The following ADAM32 variants were observed in gnomAD, a reference collection of about 807,000 sequenced individuals.
The protein encoded by ADAM32 is ADAM metallopeptidase domain 32.
Under a neutral mutation model 114.9 loss-of-function variants are expected in ADAM32, and 89 were observed. That is an observed-to-expected ratio of 0.77 (90% CI 0.65 to 0.92). ADAM32 has a LOEUF of 0.92. Ranked by LOEUF, ADAM32 falls within the 40% of genes least tolerant of loss-of-function variation. ADAM32 has a pLI of 0.00. For synonymous variants in ADAM32, 285 were observed against 307.5 expected (o/e 0.93, Z 0.77); for missense variants, 870 against 932.8 (o/e 0.93, Z 0.88).
chr8:39,186,909 T>A lies in ADAM32; in HGVS notation c.916T>A (p.Tyr306Asn), dbSNP rs778140916. The stretch of plus-strand genomic sequence containing the variant: ...AGAATTTTCTTTGTTGTTATTATAG[T>A]ACCCCAAGGAGATAACTCTGGAGGC... ...ITRYSAGVALYPKEITLEAFA... is the reference protein window; with the variant it reads ...ITRYSAGVALNPKEITLEAFA... The change falls in exon 11 of 25, where the codon TAC becomes AAC. Residue 306 changes from tyrosine to asparagine, a missense_variant and splice_region_variant. By Grantham distance (143) the Tyr-to-Asn change is moderately radical (BLOSUM62 -2). Transcript: ENST00000379907. 28 of 1,588,306 alleles carry A rather than the reference T, an allele frequency of 1.8e-5. No homozygotes were observed. The East Asian group carries it at 2.2e-4, about 13-fold the overall frequency.
At position 39,284,843 on chromosome 8, in the gene ADAM32, A is replaced by C. The variant is rs1481757394; in HGVS notation, c.*44A>C. On this transcript the variant is annotated 3_prime_UTR_variant, in exon 25 of 25. Transcript: ENST00000379907. ...ACGGATAACATCGAGAGTCTCGCTA[A>C]GAAATGAAAATTCTGTCTTTCCTTC... is the stretch of plus-strand genomic sequence containing the variant. 2.5e-6 allele frequency: 4 copies of C among 1,608,804 alleles called. No individual in the cohort carries two copies. The South Asian group carries it at 4.4e-5, about 18-fold the overall frequency.
intron 4 of ADAM32, among the ~76,000 whole-genome samples, chr8:39,147,949 C>G (rs1423157321): frequency 6.6e-6 from 1 of 151,896 alleles, no homozygotes; most frequent in Non-Finnish European, 1.5e-5. Flanking sequence ...AATTTTCTAT[C>G]TAAACCCTAT....
At chr8:39,145,736 A>G (rs1803465655) in intron 3 of ADAM32, among the ~76,000 whole-genome samples, 1 of 151,644 alleles carries the variant, frequency 6.6e-6, no homozygotes, top group Non-Finnish European at 1.5e-5. Flanking sequence ...TATTTTTATT[A>G]TTTATTTATT....
intron 19 of ADAM32, among the ~76,000 whole-genome samples, chr8:39,267,910 A>G (rs1585686045): frequency 6.6e-6 from 1 of 152,342 alleles, no homozygotes; most frequent in Non-Finnish European, 1.5e-5. Flanking sequence ...TGTGGGCTCT[A>G]TAGATAAAGA....
chr8:39,213,209 A>G (rs1455536112), intron 12 of ADAM32, among the ~76,000 whole-genome samples: 2 of 152,080 alleles, frequency 1.3e-5, no homozygotes, highest in African/African-American at 4.8e-5. Flanking sequence ...TTTGATATAT[A>G]ATAGTTGTAT....
intron 12 of ADAM32, among the ~76,000 whole-genome samples, chr8:39,215,808 A>G (rs114846903): frequency 2.2e-3 from 331 of 152,150 alleles, no homozygotes; most frequent in African/African-American, 7.7e-3. Flanking sequence ...GACCTAACAT[A>G]TGGTCTGTCT....
intron 6 of ADAM32, chr8:39,157,718 T>C: frequency 8.4e-7 from 1 of 1,194,536 alleles, no homozygotes; most frequent in Non-Finnish European, 1.2e-6. Flanking sequence ...AGCGCTTGCC[T>C]CTTAGTTCCC....
At chr8:39,140,792 T>G (rs1371327877) in intron 3 of ADAM32, among the ~76,000 whole-genome samples, 1 of 152,194 alleles carries the variant, frequency 6.6e-6, no homozygotes, top group African/African-American at 2.4e-5. Context: ...CTGGACTTTT[T>G]TTGTGGGTAG....
chr8:39,189,867 G>A (rs1469391278), intron 11 of ADAM32, among the ~76,000 whole-genome samples: 4 of 151,744 alleles, frequency 2.6e-5, no homozygotes, highest in South Asian at 2.1e-4. Flanking sequence ...GCGCGATCTC[G>A]GCTCACTGCA....
intron 16 of ADAM32, among the ~76,000 whole-genome samples, 155 bp downstream of exon 16, chr8:39,234,237 A>G (rs1001878941): frequency 3.9e-5 from 6 of 152,148 alleles, no homozygotes; most frequent in African/African-American, 1.4e-4. Flanking sequence ...AAATAGTAAG[A>G]GGGAAATGGG....
At chr8:39,158,790 T>C (rs1432054857) in intron 6 of ADAM32, 1 of 152,414 alleles carries the variant, frequency 6.6e-6, no homozygotes, top group Non-Finnish European at 1.5e-5. Flanking sequence ...CTGATTCCTT[T>C]TTTCTGCTTG....
chr8:39,159,260 C>G (rs1444835611), intron 6 of ADAM32, among the ~76,000 whole-genome samples: 1 of 152,142 alleles, frequency 6.6e-6, no homozygotes, highest in Non-Finnish European at 1.5e-5. Flanking sequence ...TTAGTAGTCA[C>G]CAAGTGATTT....
Position 39,266,558 on chromosome 8 carries a change from C to T in ADAM32, c.2163-4318C>T, listed in dbSNP as rs749819298. Among the ~76,000 whole-genome samples the T allele has an allele frequency of 1.2e-4, 19 of 152,242 alleles. No individual in the cohort carries two copies. The South Asian group carries it at 3.1e-3, about 25-fold the overall frequency. ...ATGGCTATGCCATCTTTTAACTCTT[C>T]GACCATGTTGCTGTGTTCCTTGGCT... is the stretch of plus-strand genomic sequence containing the variant. On this transcript the variant is annotated intron_variant, in intron 19 of 24. Transcript: ENST00000379907.
intron 1 of ADAM32, among the ~76,000 whole-genome samples, chr8:39,109,887 T>C (rs1326091545): frequency 1.3e-5 from 2 of 152,214 alleles, no homozygotes; most frequent in Non-Finnish European, 1.5e-5. Context: ...GTTCTGCTTA[T>C]TTATCCCTCC....
At chr8:39,236,624 G>A (rs538371148) in intron 16 of ADAM32, among the ~76,000 whole-genome samples, 25 of 152,136 alleles carry the variant, frequency 1.6e-4, no homozygotes, top group Non-Finnish European at 3.1e-4. Flanking sequence ...CTACATCAGC[G>A]TGGTACATTT....
chr8:39,107,992 A>G, intron 1 of ADAM32, 159 bp downstream of exon 1: 1 of 986,400 alleles, frequency 1.0e-6, no homozygotes, highest in African/African-American at 1.7e-5. Context: ...CGGATGGAGA[A>G]GCGACTCAGG....
At chr8:39,174,376 T>C (rs1293685087) in intron 10 of ADAM32, among the ~76,000 whole-genome samples, 2 of 152,208 alleles carry the variant, frequency 1.3e-5, no homozygotes, top group African/African-American at 4.8e-5. Context: ...CCTTGTAGTA[T>C]AGTTTGAAGT....
intron 16 of ADAM32, among the ~76,000 whole-genome samples, chr8:39,245,583 A>G (rs1810862485): frequency 6.6e-6 from 1 of 152,318 alleles, no homozygotes; most frequent in Middle Eastern, 3.4e-3. Context: ...CATGTAGAGG[A>G]AAGGCCATGT....
chr8:39,176,379 C>T (rs886280272), intron 10 of ADAM32, among the ~76,000 whole-genome samples: 17 of 152,086 alleles, frequency 1.1e-4, no homozygotes, highest in East Asian at 3.9e-4. Flanking sequence ...GATTCCGGTA[C>T]GTTGTCTCTT....
Sources: gnomAD v4.1 joint callset for allele counts (sites outside exome capture counted in the v4.1 genomes callset) on GRCh38, gnomAD v4.1.1 for gene constraint, MANE v1.5 for transcripts, NCBI Gene and HGNC (gene_info 2026-07-23, HGNC 2026-07-21) for gene names.